Variants in MIA3 observed in about 807,000 individuals in gnomAD.
MIA3 encodes transport and Golgi organization protein 1 homolog.
In MIA3, 90 loss-of-function variants were observed where a neutral mutation model predicts 192.4. That is an observed-to-expected ratio of 0.47 (90% CI 0.39 to 0.56). MIA3 has a LOEUF of 0.56. Among genes scored for constraint, MIA3 ranks in the 20% least tolerant of loss-of-function variants. The pLI, the probability that MIA3 is intolerant of heterozygous loss-of-function variation, is 0.00. For missense variants in MIA3, 2,123 were observed against 2,269.4 expected (o/e 0.94, Z 1.31); for synonymous variants, 740 against 792.8 (o/e 0.93, Z 1.12).
chr1:222,627,647 T>C lies in MIA3; in HGVS notation c.427T>C (p.Phe143Leu). 1.3e-6 allele frequency: 2 copies of C among 1,597,428 alleles called. No homozygotes were observed. The highest frequency in any genetic ancestry group is 2.3e-5 in the South Asian group (2 of 87,128). ...TTATAATGTAGAAGAACTTTTAGGGTTTTTGGAACTGTACAATTCTGCAGC... is the reference window on the plus strand; with the variant it reads ...TTATAATGTAGAAGAACTTTTAGGGCTTTTGGAACTGTACAATTCTGCAGC... ...HNYNVEELLGFLELYNSAATD... is the reference protein window; with the variant it reads ...HNYNVEELLGLLELYNSAATD... Residue 143 changes from phenylalanine (F) to leucine (L), a missense_variant, in exon 4 of 28, where the codon TTT becomes CTT. Physicochemically the swap from Phe to Leu is conservative, Grantham distance 22 (BLOSUM62 0). Around this residue, in one of 3 missense-constraint regions of MIA3, gnomAD observed 1,357 missense variants for 1,396.1 expected, o/e 0.97. Coordinates refer to ENST00000344922, the MANE Select transcript of MIA3 (RefSeq NM_198551.4).
At chr1:222,634,998 C>T (rs1662566398) in intron 6 of MIA3, among the ~76,000 whole-genome samples, 1 of 152,160 alleles carries the variant, frequency 6.6e-6, no homozygotes, top group African/African-American at 2.4e-5. Flanking sequence ...GATCTCATCC[C>T]TCACCTAATT....
chr1:222,630,014 G>C lies in MIA3; in HGVS notation c.2794G>C (p.Glu932Gln). ...DLLIISSFFK[E>Q]QQSLQRFQKY... ...ACTTATCATAAGCAGCTTCTTTAAA[G>C]AACAACAGTCTTTGCAGCGGTTCCA... The change falls in exon 4 of 28, where the codon GAA becomes CAA. Residue 932 changes from glutamate (E) to glutamine (Q), a missense_variant. Transcript: ENST00000344922. 6.2e-7 allele frequency: 1 copy of C among 1,614,130 alleles called. No individual in the cohort carries two copies. The highest frequency in any genetic ancestry group is 1.1e-5 in the South Asian group (1 of 91,068).
intron 26 of MIA3, chr1:222,662,832 G>A (rs943719303): frequency 6.2e-6 from 1 of 161,170 alleles, no homozygotes; most frequent in Admixed American, 5.8e-5. Flanking sequence ...TGCTATTTAA[G>A]AATACCTACA....
In MIA3 at chr1:222,629,073, T is replaced by A; in HGVS notation, c.1853T>A (p.Leu618Ter). The A allele has an allele frequency of 6.2e-7, 1 of 1,614,094 alleles. No homozygotes were observed. The highest frequency in any genetic ancestry group is 8.5e-7 in the Non-Finnish European group (1 of 1,179,968). Residue 618 changes from leucine (L) to a stop codon, truncating the protein, a stop_gained, in exon 4 of 28, where the codon TTG becomes TAG. Transcript: ENST00000344922. LOFTEE classifies it high-confidence loss of function. The stretch of plus-strand genomic sequence containing the variant: ...TCAGTGGAGCATCAACGTGAGGAAT[T>A]GAAAGAGGAATTAGTTCTTAAAACT... The part of the protein sequence containing the change: ...TLSVEHQREE[L>*]KEELVLKTQN...
chr1:222,623,909 A>G (rs1371700610), intron 2 of MIA3, among the ~76,000 whole-genome samples: 1 of 152,220 alleles, frequency 6.6e-6, no homozygotes, highest in Non-Finnish European at 1.5e-5. Flanking sequence ...ATTAGTGTGT[A>G]TTACACTGTA....
rs188656164 is a variant in MIA3 at position 222,654,406 on chromosome 1, G to C, written c.4395G>C (p.Ser1465=). 1.1e-5 allele frequency: 17 copies of C among 1,613,636 alleles called. No individual in the cohort carries two copies. The highest frequency in any genetic ancestry group is 1.4e-5 in the Non-Finnish European group (17 of 1,179,846). ...ATTTTTAGACACAGACTGCAATATC[G>C]GTAGTTGAAGAGGATCTAAAGCTTT... is the stretch of plus-strand genomic sequence containing the variant. The part of the protein sequence containing the change: ...MDVSRTQTAI[S]VVEEDLKLLQ... The change falls in exon 17 of 28, where the codon TCG becomes TCC. Residue 1465 remains serine, a synonymous_variant. Coordinates refer to ENST00000344922, the MANE Select transcript of MIA3 (RefSeq NM_198551.4).
intron 6 of MIA3, among the ~76,000 whole-genome samples, chr1:222,640,670 G>A (rs1054500769): frequency 2.6e-5 from 4 of 152,062 alleles, no homozygotes; most frequent in Non-Finnish European, 4.4e-5. Flanking sequence ...GAAAAATTAA[G>A]AGAAAAATTT....
chr1:222,623,414 G>T (rs902232608), intron 2 of MIA3, among the ~76,000 whole-genome samples: 6 of 151,716 alleles, frequency 4.0e-5, no homozygotes, highest in African/African-American at 1.5e-4. Context: ...CCTTTTTCCA[G>T]GTTCTCCCTT....
At chr1:222,664,170 T>A (rs1196342342) in intron 27 of MIA3, 22 bp downstream of exon 27, 1 of 1,612,776 alleles carries the variant, frequency 6.2e-7, no homozygotes, top group South Asian at 1.1e-5. Flanking sequence ...TGAACAGTAG[T>A]AATTGACTTG....
At chr1:222,637,272 A>C (rs1662668891) in intron 6 of MIA3, among the ~76,000 whole-genome samples, 1 of 152,190 alleles carries the variant, frequency 6.6e-6, no homozygotes. Flanking sequence ...TTTCCTGGGA[A>C]TTGATAGTTG....
intron 6 of MIA3, chr1:222,644,592 A>C: frequency 3.2e-6 from 5 of 1,550,534 alleles, no homozygotes; most frequent in Non-Finnish European, 4.4e-6. Context: ...TGGAGGTGAC[A>C]GTCCCGATTC....
chr1:222,618,511 T>C (rs1389306395), intron 1 of MIA3, among the ~76,000 whole-genome samples: 1 of 152,196 alleles, frequency 6.6e-6, no homozygotes, highest in Non-Finnish European at 1.5e-5. Context: ...GCCAGCGTTT[T>C]ATTTTTCCTC....
At position 222,665,514 on chromosome 1, in the gene MIA3, A is replaced by T; in HGVS notation, c.5619A>T (p.Pro1873=). ...ATGGTCCCCAGGAATACCCACCACCACCTGCTGTAAGAGACTTACTGCCGT... is the reference window on the plus strand; with the variant it reads ...ATGGTCCCCAGGAATACCCACCACCTCCTGCTGTAAGAGACTTACTGCCGT... ...PTHGPQEYPP[P]PAVRDLLPSG... The change falls in exon 28 of 28, where the codon CCA becomes CCT. Residue 1873 remains proline, a synonymous_variant. Transcript: ENST00000344922. 6.2e-7 allele frequency: 1 copy of T among 1,613,820 alleles called. No individual in the cohort carries two copies. The highest frequency in any genetic ancestry group is 1.1e-5 in the South Asian group (1 of 91,060).
chr1:222,621,340 CT>C lies in MIA3; in HGVS notation c.267+51del, dbSNP rs565235261. ...TTATTTGCTTAATTTTTATTGGCTTCTTTAGCACTGTAGAGTTAAATGACTG... is the reference window on the plus strand; with the variant it reads ...TTATTTGCTTAATTTTTATTGGCTTCTTAGCACTGTAGAGTTAAATGACTG... On this transcript the variant is annotated intron_variant, in intron 2 of 27. Coordinates refer to ENST00000344922, the MANE Select transcript of MIA3 (RefSeq NM_198551.4). The C allele has an allele frequency of 1.2e-3, 1,841 of 1,558,074 alleles. 8 individuals are homozygous for C. The highest frequency in any genetic ancestry group is 4.6e-3 in the South Asian group (390 of 83,888).
chr1:222,659,430 A>G, intron 19 of MIA3, 23 bp from the exon 20 acceptor site: 12 of 1,607,718 alleles, frequency 7.5e-6, no homozygotes, highest in Non-Finnish European at 1.0e-5. Context: ...GCTTTAAATG[A>G]TAAAGCCAAG....
chr1:222,638,584 C>A (rs1257569662), intron 6 of MIA3, among the ~76,000 whole-genome samples: 1 of 151,966 alleles, frequency 6.6e-6, no homozygotes, highest in African/African-American at 2.4e-5. Context: ...GTAGTCCCAG[C>A]TACTCAGGAG....
In MIA3 at chr1:222,629,907, C is replaced by T. The variant is rs200683570; in HGVS notation, c.2687C>T (p.Ala896Val). The T allele has an allele frequency of 7.5e-4, 1,214 of 1,614,094 alleles. 1 individual carries two copies. The highest frequency in any genetic ancestry group is 2.6e-3 in the Middle Eastern group (16 of 6,062). ...GGCACAGAAAGCCAGGGGTCTGCTGCTGCAGAACCTGAAGATGACTCGTTC... is the reference window on the plus strand; with the variant it reads ...GGCACAGAAAGCCAGGGGTCTGCTGTTGCAGAACCTGAAGATGACTCGTTC... ...YMGTESQGSAAAEPEDDSFHW... is the reference protein window; with the variant it reads ...YMGTESQGSAVAEPEDDSFHW... Residue 896 changes from alanine (A) to valine (V), a missense_variant, in exon 4 of 28, where the codon GCT becomes GTT. Ala to Val is a moderately conservative substitution (Grantham distance 64). This residue lies in a region of MIA3 where 1,357 missense variants were observed against 1,396.1 expected (regional missense o/e 0.97). Coordinates refer to ENST00000344922, the MANE Select transcript of MIA3 (RefSeq NM_198551.4).
At chr1:222,626,830 C>T (rs1662141887) in intron 3 of MIA3, among the ~76,000 whole-genome samples, 1 of 152,174 alleles carries the variant, frequency 6.6e-6, no homozygotes, top group Non-Finnish European at 1.5e-5. Flanking sequence ...ATATGAGCCC[C>T]AAATCCATGT....
rs1663608736 is a variant in MIA3, at chr1:222,654,575, T to C, written c.4469-80T>C. Reference sequence around the variant, plus strand: ...CGGCTTCCTGCTTTCATACTTCTCATTTCTCTCAGCACCAGCCCCCAACCA... The same window carrying C: ...CGGCTTCCTGCTTTCATACTTCTCACTTCTCTCAGCACCAGCCCCCAACCA... On this transcript the variant is annotated intron_variant, in intron 17 of 27. Transcript: ENST00000344922. The C allele has an allele frequency of 5.1e-6, 8 of 1,563,492 alleles. No individual in the cohort carries two copies. The East Asian group carries it at 1.6e-4, about 31-fold the overall frequency.
Sources: allele counts gnomAD v4.1 joint callset (sites outside exome capture counted in the v4.1 genomes callset), GRCh38; gene constraint gnomAD v4.1.1; regional missense constraint gnomAD v4.1.1; transcripts MANE v1.5; gene names NCBI Gene and HGNC (gene_info 2026-07-23, HGNC 2026-07-21).